AATK: variants seen among roughly 807,000 people sequenced by gnomAD.
AATK encodes serine/threonine-protein kinase LMTK1.
AATK carries 91 observed loss-of-function variants against 114.3 expected under a neutral mutation model. That is an observed-to-expected ratio of 0.80 (90% CI 0.67 to 0.95). AATK has a LOEUF of 0.95. AATK is among the 40% of genes least tolerant of loss of function. The probability of loss-of-function intolerance (pLI) is 0.00; values close to 1 mark genes in which losing one functional copy is unlikely to be tolerated. For synonymous variants in AATK, 1,075 were observed against 916.5 expected, an observed-to-expected ratio of 1.17 and a Z score of -3.12; for missense variants, 2,176 against 1,965.2, an observed-to-expected ratio of 1.11 and a Z score of -2.03.
chr17:81,134,490 G>A lies in AATK; in HGVS notation c.67C>T (p.Leu23Phe), dbSNP rs1431860091. The A allele has an allele frequency of 6.2e-7, 1 of 1,612,238 alleles. No individual in the cohort carries two copies. Among genetic ancestry groups the A allele is most frequent in the Non-Finnish European group, 8.5e-7 (1 of 1,179,538 alleles). Residue 23 changes from leucine (L) to phenylalanine (F), a missense_variant, in exon 2 of 14, where the codon CTC becomes TTC. Physicochemically the swap from Leu to Phe is conservative, Grantham distance 22. Around this residue, in one of 4 missense-constraint regions of AATK, gnomAD observed 178 missense variants for 175.4 expected, o/e 1.01. Transcript: ENST00000326724. ...GAGGATGGCCAGGACAGCTCGCTGA[G>A]CGGGGCGCCGTCTGCGGGAGAGCAG... ...SSHFDPDGAP[L>F]SELSWPSSLA...
chr17:81,118,908 C>T (rs1241191112), intron 13 of AATK, among the ~76,000 whole-genome samples: 1 of 152,210 alleles, frequency 6.6e-6, no homozygotes, highest in East Asian at 1.9e-4. Context: ...GGGGTAGGGA[C>T]ACCTGGCAGA....
chr17:81,122,401 GGCGCGCCGTCGGGGGCGCACAGCTCCT>G lies in AATK; in HGVS notation c.1508_1534del (p.Gln503_Ala511del), dbSNP rs1399062477. ...GCTGAGCACCGGAACCACGCCCGGGGGCGCGCCGTCGGGGGCGCACAGCTCCTGCAGGCGTGCGGTGCGGCCAGGGCT... is the reference window on the plus strand; with the variant it reads ...GCTGAGCACCGGAACCACGCCCGGGGGCAGGCGTGCGGTGCGGCCAGGGCT... On this transcript the variant is annotated inframe_deletion, in exon 11 of 14. Transcript: ENST00000326724. 3 of 1,473,172 alleles carry G rather than the reference GGCGCGCCGTCGGGGGCGCACAGCTCCT, an allele frequency of 2.0e-6. No individual in the cohort carries two copies. Among genetic ancestry groups the G allele is most frequent in the Non-Finnish European group, 2.7e-6 (3 of 1,116,242 alleles). The allele number at this position is 1,473,172 out of a possible 1,614,324, so 91.3% of individuals were successfully genotyped here.
At chr17:81,158,840 G>A (rs1205651969) in intron 1 of AATK, among the ~76,000 whole-genome samples, 5 of 152,276 alleles carry the variant, frequency 3.3e-5, no homozygotes, top group East Asian at 1.9e-4. Flanking sequence ...CCATGGAGGC[G>A]TTCGTCCATG....
intron 1 of AATK, among the ~76,000 whole-genome samples, chr17:81,148,064 C>CAAAAAAAAAAA (rs35731140): frequency 7.9e-5 from 8 of 101,834 alleles, no homozygotes; most frequent in East Asian, 3.1e-4. Flanking sequence ...ACAACTTTGT[C>CAAAAAAAAAAA]AAAAAAAAAA....
rs1248772338 is a variant in AATK at position 81,125,034 on chromosome 17, C to A, written c.756-20G>T. ...AGGTCGCTGCAGGCAGGGGCAGGGG[C>A]AGGGGCAGGGTGAGCAGGGTGAGCA... On this transcript the variant is annotated intron_variant, in intron 7 of 13. Transcript: ENST00000326724. The A allele has an allele frequency of 8.6e-7, 1 of 1,159,668 alleles. No individual in the cohort carries two copies. Among genetic ancestry groups the A allele is most frequent in the African/African-American group, 2.1e-5 (1 of 46,878 alleles). 71.8% of individuals were successfully genotyped at this position (1,159,668 alleles called of 1,614,324 possible). A position where few individuals can be genotyped will look rare whatever the true frequency, so the allele number is the denominator to read the frequency against.
chr17:81,156,152 A>G (rs1279960069), intron 1 of AATK, among the ~76,000 whole-genome samples: 1 of 8,190 alleles, frequency 1.2e-4, no homozygotes, highest in Non-Finnish European at 2.8e-4. Flanking sequence ...GTTACAATGT[A>G]TGTTATCATG....
intron 1 of AATK, among the ~76,000 whole-genome samples, chr17:81,159,517 G>A (rs925506693): frequency 2.3e-4 from 35 of 152,130 alleles, no homozygotes; most frequent in Middle Eastern, 3.2e-3. Context: ...TTCGCAGGGG[G>A]TTCGAGGAAA....
At chr17:81,148,243 C>T (rs1296764379) in intron 1 of AATK, among the ~76,000 whole-genome samples, 4 of 152,158 alleles carry the variant, frequency 2.6e-5, no homozygotes. Context: ...ATTTGATTAT[C>T]ACTCAAACCT....
Position 81,140,708 on chromosome 17 carries a change from G to GGTGAGACCGTGGGGCC in AATK, c.56-6208_56-6207insGGCCCCACGGTCTCAC, listed in dbSNP as rs1325669910. On this transcript the variant is annotated intron_variant, in intron 1 of 13. Coordinates refer to ENST00000326724, the MANE Select transcript of AATK (RefSeq NM_001080395.3). ...CCGTGGGGCCGTTGAGCTGTGGGGC[G>GGTGAGACCGTGGGGCC]GTGAGACCGTGGGGCTGTGAGCCGT... Among the ~76,000 whole-genome samples the GGTGAGACCGTGGGGCC allele has an allele frequency of 7.1e-4, 62 of 87,006 alleles. 13 individuals carry two copies. Among genetic ancestry groups the GGTGAGACCGTGGGGCC allele is most frequent in the South Asian group, 1.9e-3 (4 of 2,130 alleles). The allele number at this position is 87,006 out of a possible 152,430, so 57.1% of individuals were successfully genotyped here.
At chr17:81,156,483 C>T (rs555645386) in intron 1 of AATK, among the ~76,000 whole-genome samples, 53 of 152,258 alleles carry the variant, frequency 3.5e-4, no homozygotes, top group African/African-American at 1.2e-3. Flanking sequence ...CTGCAAGCTC[C>T]GCCTCCCGGG....
rs1598909542 is a variant in AATK, at chr17:81,123,738, G to A, written c.963-395C>T. 2.6e-5 allele frequency among the ~76,000 whole-genome samples: 4 copies of A among 151,824 alleles called. No homozygotes were observed. In the South Asian group the frequency reaches 8.3e-4, roughly 32 times the overall value. ...CCAGCAGGGGGCTGAGGGAGGGGGA[G>A]GGAGGGGGAAGGAAGGGGAGAGAGG... On this transcript the variant is annotated intron_variant, in intron 9 of 13. Coordinates refer to ENST00000326724, the MANE Select transcript of AATK (RefSeq NM_001080395.3).
chr17:81,125,293 TAG>T (rs2060792510), intron 7 of AATK: 1 of 748,430 alleles, frequency 1.3e-6, no homozygotes. Flanking sequence ...GAATGGGGCC[TAG>T]AGAGGGTGAG....
intron 1 of AATK, among the ~76,000 whole-genome samples, chr17:81,147,855 G>C (rs1021009186): frequency 6.6e-6 from 1 of 152,154 alleles, no homozygotes; most frequent in Non-Finnish European, 1.5e-5. Context: ...GGGCATGAGG[G>C]AAACGTGTCA....
In AATK at chr17:81,156,066, GTATGTTAC is replaced by G. The variant is rs1009457105; in HGVS notation, c.55+9864_55+9871del. Among the ~76,000 whole-genome samples the G allele has an allele frequency of 1.7e-4, 25 of 150,066 alleles. No individual in the cohort carries two copies. In the Middle Eastern group the frequency reaches 0.01, roughly 62 times the overall value. ...ACAATGTATGTTACCATGTTATAATGTATGTTACTATGTTACAATGTATGTTACAATGT... is the reference window on the plus strand; with the variant it reads ...ACAATGTATGTTACCATGTTATAATGTATGTTACAATGTATGTTACAATGT... On this transcript the variant is annotated intron_variant, in intron 1 of 13. Transcript: ENST00000326724.
At position 81,121,205 on chromosome 17, in the gene AATK, A is replaced by G; in HGVS notation, c.2731T>C (p.Ser911Pro). Residue 911 changes from serine (S) to proline (P), a missense_variant, in exon 11 of 14, where the codon TCA becomes CCA. Ser to Pro is a moderately conservative substitution (Grantham distance 74). Coordinates refer to ENST00000326724, the MANE Select transcript of AATK (RefSeq NM_001080395.3). The part of the protein sequence containing the change: ...DSLDSLDIPS[S>P]ASDGGYEVFS... ...ACCTCATAGCCACCATCACTGGCTG[A>G]GGACGGGATGTCCAGGGAGTCCAGG... 6.2e-7 allele frequency: 1 copy of G among 1,604,750 alleles called. No individual in the cohort carries two copies. The highest frequency in any genetic ancestry group is 8.5e-7 in the Non-Finnish European group (1 of 1,176,144).
rs2060696658 is a variant in AATK, at chr17:81,121,282, T to C, written c.2654A>G (p.Asp885Gly). ...SSDGLQARRP[D>G]VVPAFRSLQK... ...CAGAGAGCGGAAGGCTGGCACCACA[T>C]CCGGCCTCCTGGCCTGCAGGCCGTC... is the stretch of plus-strand genomic sequence containing the variant. The change falls in exon 11 of 14, where the codon GAT becomes GGT. Residue 885 changes from aspartate to glycine, a missense_variant. Asp to Gly is a moderately conservative substitution (Grantham distance 94, BLOSUM62 -1). Around this residue, in one of 4 missense-constraint regions of AATK, gnomAD observed 1,701 missense variants for 1,394.7 expected, o/e 1.22. Transcript: ENST00000326724. 6.2e-7 allele frequency: 1 copy of C among 1,611,130 alleles called. No individual in the cohort carries two copies. Among genetic ancestry groups the C allele is most frequent in the East Asian group, 2.2e-5 (1 of 44,800 alleles).
chr17:81,125,390 C>G (rs754825523), intron 7 of AATK: 1 of 549,572 alleles, frequency 1.8e-6, no homozygotes, highest in African/African-American at 1.9e-5. Context: ...TCTCGGCTCC[C>G]CAGGAGGTGG....
At chr17:81,157,119 T>G (rs937271513) in intron 1 of AATK, among the ~76,000 whole-genome samples, 3 of 151,846 alleles carry the variant, frequency 2.0e-5, no homozygotes, top group Non-Finnish European at 2.9e-5. Context: ...GGGTGGCAGG[T>G]GAGGACAGGG....
rs756793751 is a variant in AATK, at chr17:81,120,665, G to A, written c.3271C>T (p.Pro1091Ser). 65 of 1,519,496 alleles carry A rather than the reference G, an allele frequency of 4.3e-5. No homozygotes were observed. The highest frequency in any genetic ancestry group is 4.0e-4 in the South Asian group (31 of 76,592). The allele number at this position is 1,519,496 out of a possible 1,614,324, so 94.1% of individuals were successfully genotyped here. ...TGGGAGCAGCTGGGGCTGGGCCCAG[G>A]CCGCACCTTGGCTGGGCCTTGGGGC... ...PEPQGPAKVRPGPSPSCSQFF... is the reference protein window; with the variant it reads ...PEPQGPAKVRSGPSPSCSQFF... The change falls in exon 11 of 14, where the codon CCT becomes TCT. Residue 1091 changes from proline (P) to serine (S), a missense_variant. Physicochemically the swap from Pro to Ser is moderately conservative, Grantham distance 74 (BLOSUM62 -1). Coordinates refer to ENST00000326724, the MANE Select transcript of AATK (RefSeq NM_001080395.3).
Sources: gnomAD v4.1 joint callset for allele counts (sites outside exome capture counted in the v4.1 genomes callset) on GRCh38, gnomAD v4.1.1 for gene constraint, gnomAD v4.1.1 regional missense constraint, MANE v1.5 for transcripts, NCBI Gene and HGNC (gene_info 2026-07-23, HGNC 2026-07-21) for gene names.